Variants in TPRG1 observed in about 807,000 individuals in gnomAD.
The protein encoded by TPRG1 is tumor protein p63 regulated 1.
Under a neutral mutation model 29.3 loss-of-function variants are expected in TPRG1, and 29 were observed. That is an observed-to-expected ratio of 0.99 (90% CI 0.74 to 1.35). The LOEUF is 1.35. TPRG1 is among the 40% of genes most tolerant of loss of function. The pLI is 0.00. For synonymous variants in TPRG1, 130 were observed against 116.8 expected, an observed-to-expected ratio of 1.11 and a Z score of -0.73; for missense variants, 327 against 335.0, an observed-to-expected ratio of 0.98 and a Z score of 0.19.
chr3:188,999,360 G>A (rs370304869), intron 1 of TPRG1, among the ~76,000 whole-genome samples: 1 of 152,178 alleles, frequency 6.6e-6, no homozygotes, highest in East Asian at 1.9e-4. Flanking sequence ...ATTGATCACA[G>A]CACTCATGGC....
intron 1 of TPRG1, among the ~76,000 whole-genome samples, chr3:189,202,381 GA>G (rs1733645599): frequency 6.6e-6 from 1 of 152,110 alleles, no homozygotes; most frequent in Admixed American, 6.5e-5. Context: ...AATGGGAGTA[GA>G]AAGAATGTGG....
intron 4 of TPRG1, among the ~76,000 whole-genome samples, chr3:189,051,672 C>A (rs185245171): frequency 9.9e-4 from 151 of 152,138 alleles, no homozygotes; most frequent in African/African-American, 3.3e-3. Flanking sequence ...TCTGGAGACA[C>A]CACACTACCT....
chr3:189,114,150 G>A (rs1720900499), intron 1 of TPRG1, among the ~76,000 whole-genome samples: 1 of 152,132 alleles, frequency 6.6e-6, no homozygotes, highest in Non-Finnish European at 1.5e-5. Flanking sequence ...GGGGTGTTTT[G>A]AGGATAACTA....
chr3:189,290,257 T>C (rs1369127956), intron 4 of TPRG1, among the ~76,000 whole-genome samples: 1 of 152,198 alleles, frequency 6.6e-6, no homozygotes, highest in African/African-American at 2.4e-5. Context: ...GACACGTTGA[T>C]TTTTCCCATA....
At chr3:189,100,805 G>A (rs1037929770) in intron 1 of TPRG1, among the ~76,000 whole-genome samples, 2 of 152,110 alleles carry the variant, frequency 1.3e-5, no homozygotes, top group Admixed American at 6.5e-5. Flanking sequence ...AGAGAAATCT[G>A]TGCCCTCTCA....
chr3:189,257,380 AG>A (rs1189353487), intron 4 of TPRG1, among the ~76,000 whole-genome samples: 1 of 152,160 alleles, frequency 6.6e-6, no homozygotes, highest in Non-Finnish European at 1.5e-5. Context: ...AGCCGCTGTT[AG>A]TCTGATGGGC....
intron 1 of TPRG1, among the ~76,000 whole-genome samples, chr3:188,997,596 G>C (rs1044565165): frequency 5.9e-5 from 9 of 152,116 alleles, no homozygotes; most frequent in African/African-American, 2.2e-4. Flanking sequence ...GATAGTTCTA[G>C]ATAAACTGAG....
At chr3:189,249,177 G>A (rs1340735150) in intron 4 of TPRG1, among the ~76,000 whole-genome samples, 1 of 151,250 alleles carries the variant, frequency 6.6e-6, no homozygotes, top group African/African-American at 2.4e-5. Flanking sequence ...TTATATATAT[G>A]GCTACTTGAT....
At chr3:189,044,365 G>A (rs1023440004) in intron 4 of TPRG1, among the ~76,000 whole-genome samples, 1 of 152,104 alleles carries the variant, frequency 6.6e-6, no homozygotes, top group Admixed American at 6.6e-5. Context: ...GACCAACCTG[G>A]CCAACATGGC....
At chr3:189,314,017 G>A (rs937339611) in intron 5 of TPRG1, among the ~76,000 whole-genome samples, 1 of 152,172 alleles carries the variant, frequency 6.6e-6, no homozygotes, top group Non-Finnish European at 1.5e-5. Context: ...AAGATGAGGA[G>A]ATTTTGAGTT....
At chr3:189,140,912 C>T (rs1409932450) in intron 3 of TPRG1, among the ~76,000 whole-genome samples, 3 of 152,080 alleles carry the variant, frequency 2.0e-5, no homozygotes, top group East Asian at 1.9e-4. Flanking sequence ...AGCTGAGTGC[C>T]GTGTTTGCAG....
upstream of TPRG1, among the ~76,000 whole-genome samples, chr3:189,098,849 G>GA (rs766893852): frequency 6.6e-6 from 1 of 152,000 alleles, no homozygotes; most frequent in Non-Finnish European, 1.5e-5. Context: ...TCCCTATGTA[G>GA]AAAAAAATTA....
chr3:189,158,944 G>GT (rs113529854), intron 5 of TPRG1, among the ~76,000 whole-genome samples: 381 of 144,748 alleles, frequency 2.6e-3, no homozygotes, highest in African/African-American at 4.5e-3. Flanking sequence ...TTTTGTTTTT[G>GT]TTTTTTTTGG....
intron 3 of TPRG1, among the ~76,000 whole-genome samples, chr3:189,227,787 A>G (rs1229099168): frequency 6.6e-6 from 1 of 152,240 alleles, no homozygotes; most frequent in African/African-American, 2.4e-5. Context: ...CCAGAGTGCC[A>G]GAGAGACCCT....
At chr3:189,218,147 C>G (rs1736359720) in intron 3 of TPRG1, 2 of 715,494 alleles carry the variant, frequency 2.8e-6, no homozygotes, top group Non-Finnish European at 3.4e-6. Flanking sequence ...GAGTCTCGCT[C>G]TGTCACCCAG....
chr3:189,053,628 A>C (rs1481658504), intron 4 of TPRG1, among the ~76,000 whole-genome samples: 1 of 151,922 alleles, frequency 6.6e-6, no homozygotes, highest in East Asian at 1.9e-4. Flanking sequence ...TGCTATATAA[A>C]CCCCTAATTT....
chr3:189,319,919 G>T (rs1724107951), intron 5 of TPRG1, among the ~76,000 whole-genome samples: 1 of 151,972 alleles, frequency 6.6e-6, no homozygotes, highest in South Asian at 2.1e-4. Context: ...TGTGTTTTCT[G>T]CTTGGAATTT....
At chr3:189,157,117 T>C (rs113332359) in intron 5 of TPRG1, among the ~76,000 whole-genome samples, 5 of 152,306 alleles carry the variant, frequency 3.3e-5, no homozygotes, top group African/African-American at 9.6e-5. Flanking sequence ...CATTTGTAAA[T>C]TGAGAGTGCT....
At position 189,324,882 on chromosome 3, in the gene TPRG1, C is replaced by G. The variant is rs768344431; in HGVS notation, c.*4062C>G. 1 of 152,106 alleles carries G rather than the reference C, an allele frequency of 6.6e-6. No homozygotes were observed. Among genetic ancestry groups the G allele is most frequent in the Non-Finnish European group, 1.5e-5 (1 of 68,028 alleles). The allele number at this position is 152,106 out of a possible 1,614,324, so 9.4% of individuals were successfully genotyped here. On this transcript the variant is annotated 3_prime_UTR_variant, in exon 6 of 6. Transcript: ENST00000345063. ...CCAACAATTATACAAGGGCTTGTGCCCACATCCTGTAGCTGTGGTTTAGGG... is the reference window on the plus strand; with the variant it reads ...CCAACAATTATACAAGGGCTTGTGCGCACATCCTGTAGCTGTGGTTTAGGG...
Sources: allele counts gnomAD v4.1 joint callset (sites outside exome capture counted in the v4.1 genomes callset), GRCh38; gene constraint gnomAD v4.1.1; transcripts MANE v1.5; gene names NCBI Gene and HGNC (gene_info 2026-07-23, HGNC 2026-07-21).